The following TMEM9 variants were observed in gnomAD, a reference collection of about 807,000 sequenced individuals.
The protein encoded by TMEM9 is proton-transporting V-type ATPase complex assembly regulator TMEM9.
In TMEM9, 13 loss-of-function variants were observed where a neutral mutation model predicts 22.8. The ratio of observed to expected loss-of-function variants is 0.57; its 90% CI spans 0.37 to 0.91. The LOEUF is 0.91. Among genes scored for constraint, TMEM9 ranks in the 40% least tolerant of loss-of-function variants. The pLI is 0.01. For synonymous variants in TMEM9, 88 were observed against 93.0 expected, an observed-to-expected ratio of 0.95 and a Z score of 0.31; for missense variants, 182 against 238.1, an observed-to-expected ratio of 0.76 and a Z score of 1.55.
At chr1:201,158,737 A>G (rs1377573775), upstream of TMEM9, among the ~76,000 whole-genome samples, 1 of 152,154 alleles carries the variant, frequency 6.6e-6, no homozygotes, top group Admixed American at 6.5e-5. Context: ...TCCTCTCAGG[A>G]CTTAGCCTTC....
rs533924094 is a variant in TMEM9, at chr1:201,143,800, G to C, written c.399+20C>G. ...CGCACATGCAGGGACCCAGGGCCTG[G>C]GCACTCAAAGCCCTCTTACCTCATT... On this transcript the variant is annotated intron_variant, in intron 4 of 4. Coordinates refer to ENST00000367330, the MANE Select transcript of TMEM9 (RefSeq NM_001288565.2). The C allele has an allele frequency of 6.2e-7, 1 of 1,612,890 alleles. No homozygotes were observed. Among genetic ancestry groups the C allele is most frequent in the African/African-American group, 1.3e-5 (1 of 75,010 alleles).
chr1:201,153,732 A>T, intron 1 of TMEM9, 126 bp downstream of exon 1: 1 of 1,555,378 alleles, frequency 6.4e-7, no homozygotes, highest in Non-Finnish European at 8.7e-7. Flanking sequence ...CCACTAAAAG[A>T]AGTATGGCCC....
chr1:201,137,471 AACACACACACACACACACACACACAC>A (rs144662228), intron 4 of TMEM9, among the ~76,000 whole-genome samples: 13 of 146,562 alleles, frequency 8.9e-5, no homozygotes, highest in Non-Finnish European at 6.0e-5. Flanking sequence ...CAAATTATCT[AACACACACACACACACACACACACAC>A]ACACACACAC....
In TMEM9 at chr1:201,146,772, T is replaced by C. The variant is rs1665016522; in HGVS notation, c.235A>G (p.Arg79Gly). ...VEAYCLLCEC[R>G]YEERSTTTIK... ...GTGGTGGTGCTGCGCTCCTCGTACC[T>C]GCACTCGCACAGCAGGCAGTAGGCC... The change falls in exon 3 of 5, where the codon AGG (arginine) becomes GGG (glycine). Residue 79 changes from arginine to glycine, a missense_variant. Coordinates refer to ENST00000367330, the MANE Select transcript of TMEM9 (RefSeq NM_001288565.2). 1 of 1,614,236 alleles carries C rather than the reference T, an allele frequency of 6.2e-7. No individual in the cohort carries two copies.
chr1:201,157,049 A>G (rs1665816464), upstream of TMEM9, among the ~76,000 whole-genome samples: 3 of 152,188 alleles, frequency 2.0e-5, no homozygotes, highest in South Asian at 6.2e-4. Flanking sequence ...GAGTGAGGTT[A>G]AGAGTGGAAA....
At chr1:201,143,668 C>G (rs1048382891) in intron 4 of TMEM9, 152 bp downstream of exon 4, 6 of 677,154 alleles carry the variant, frequency 8.9e-6, no homozygotes, top group Non-Finnish European at 9.8e-6. Context: ...CAGGTCCCTG[C>G]TGAGTCTGGG....
At position 201,146,729 on chromosome 1, in the gene TMEM9, C is replaced by T. The variant is rs763537671; in HGVS notation, c.267+11G>A. 1.9e-6 allele frequency: 3 copies of T among 1,613,738 alleles called. No individual in the cohort carries two copies. ...GGGAATCCCACTGGCTTCCTGAGAC[C>T]CTGGCGTTACCTTGATGGTGGTGGT... On this transcript the variant is annotated intron_variant, in intron 3 of 4. Transcript: ENST00000367330.
chr1:201,148,571 G>C (rs569429789), intron 2 of TMEM9, among the ~76,000 whole-genome samples: 6 of 152,322 alleles, frequency 3.9e-5, no homozygotes, highest in Admixed American at 2.0e-4. Context: ...CGGTTGCACC[G>C]GATAATCTTT....
In TMEM9 at chr1:201,154,053, G is replaced by T; in HGVS notation, c.-130C>A. ...AACCATCCGGCCAAGTGGGAATGGGGTTGGGGGCTGGGCTCCAGGATTCCA... is the reference window on the plus strand; with the variant it reads ...AACCATCCGGCCAAGTGGGAATGGGTTTGGGGGCTGGGCTCCAGGATTCCA... On this transcript the variant is annotated 5_prime_UTR_variant, in exon 1 of 5. Coordinates refer to ENST00000367330, the MANE Select transcript of TMEM9 (RefSeq NM_001288565.2). 9.0e-7 allele frequency: 1 copy of T among 1,108,870 alleles called. No individual in the cohort carries two copies. Among genetic ancestry groups the T allele is most frequent in the Non-Finnish European group, 1.3e-6 (1 of 795,082 alleles). The allele number at this position is 1,108,870 out of a possible 1,614,324, so 68.7% of individuals were successfully genotyped here.
chr1:201,152,137 C>T (rs898880307), intron 1 of TMEM9, among the ~76,000 whole-genome samples: 1 of 149,240 alleles, frequency 6.7e-6, no homozygotes, highest in East Asian at 2.0e-4. Flanking sequence ...TAGAGGAATG[C>T]GGGGAGAGGG....
chr1:201,151,890 T>G, intron 1 of TMEM9, 38 bp from the exon 2 acceptor site: 1 of 1,548,508 alleles, frequency 6.5e-7, no homozygotes. Flanking sequence ...GCAGAGACCC[T>G]GCCTGGGGTT....
intron 1 of TMEM9, among the ~76,000 whole-genome samples, chr1:201,160,829 C>T (rs772810978): frequency 1.5e-4 from 22 of 148,378 alleles, no homozygotes; most frequent in African/African-American, 4.0e-4. Flanking sequence ...CCAGCTACTG[C>T]GGAGGCTGAG....
At chr1:201,169,733 A>G (rs533017292) in intron 1 of TMEM9, among the ~76,000 whole-genome samples, 1 of 152,270 alleles carries the variant, frequency 6.6e-6, no homozygotes, top group African/African-American at 2.4e-5. Context: ...AAGCTATTTC[A>G]GAGGGAGATT....
chr1:201,139,114 G>A (rs139438607), intron 4 of TMEM9, among the ~76,000 whole-genome samples: 1 of 152,322 alleles, frequency 6.6e-6, no homozygotes, highest in African/African-American at 2.4e-5. Context: ...ACCCTCTTCA[G>A]TCTGCCCAGA....
chr1:201,153,598 C>T (rs898548576), intron 1 of TMEM9, among the ~76,000 whole-genome samples: 1 of 152,238 alleles, frequency 6.6e-6, no homozygotes, highest in Non-Finnish European at 1.5e-5. Flanking sequence ...CTCCAAACTT[C>T]CTTGCTGGAA....
chr1:201,149,195 T>C (rs564107306), intron 2 of TMEM9, among the ~76,000 whole-genome samples: 23 of 152,258 alleles, frequency 1.5e-4, no homozygotes, highest in African/African-American at 5.5e-4. Flanking sequence ...TCTCCTGTGA[T>C]TGGGGGCAAT....
At chr1:201,139,326 T>TG (rs1664297344) in intron 4 of TMEM9, among the ~76,000 whole-genome samples, 1 of 152,218 alleles carries the variant, frequency 6.6e-6, no homozygotes, top group Non-Finnish European at 1.5e-5. Context: ...GCAAAGCCCT[T>TG]CAGCAAGAGG....
At chr1:201,150,248 G>C (rs183291871) in intron 2 of TMEM9, among the ~76,000 whole-genome samples, 49 of 152,340 alleles carry the variant, frequency 3.2e-4, no homozygotes, top group Middle Eastern at 3.4e-3. Flanking sequence ...ATACAAGGGG[G>C]TTACTTGGAA....
At chr1:201,161,686 T>A (rs831746) in intron 1 of TMEM9, among the ~76,000 whole-genome samples, 1 of 152,130 alleles carries the variant, frequency 6.6e-6, no homozygotes, top group African/African-American at 2.4e-5. Context: ...ATACATTATT[T>A]TGTGTAGTGT....
Sources: allele counts gnomAD v4.1 joint callset (sites outside exome capture counted in the v4.1 genomes callset), GRCh38; gene constraint gnomAD v4.1.1; transcripts MANE v1.5; gene names NCBI Gene and HGNC (gene_info 2026-07-23, HGNC 2026-07-21).